The following CRYBG3 variants were observed in gnomAD, a reference collection of about 807,000 sequenced individuals.
CRYBG3 encodes the protein crystallin beta-gamma domain containing 3.
Under a neutral mutation model 244.2 loss-of-function variants are expected in CRYBG3, and 127 were observed. The ratio of observed to expected loss-of-function variants is 0.52; its 90% CI spans 0.45 to 0.60. CRYBG3 has a LOEUF of 0.60. Among genes scored for constraint, CRYBG3 ranks in the 20% least tolerant of loss-of-function variants. The pLI is 0.00. For missense variants in CRYBG3, 3,325 were observed against 3,442.5 expected (o/e 0.97, Z 0.85); for synonymous variants, 1,132 against 1,195.8 (o/e 0.95, Z 1.10).
intron 18 of CRYBG3, among the ~76,000 whole-genome samples, chr3:97,934,549 G>A (rs1034308408): frequency 5.9e-5 from 9 of 151,992 alleles, no homozygotes; most frequent in Admixed American, 5.9e-4. Flanking sequence ...TAAAAAAATG[G>A]CTTTAAAAGT....
At chr3:97,850,601 G>A (rs1274462678) in intron 2 of CRYBG3, among the ~76,000 whole-genome samples, 1 of 152,128 alleles carries the variant, frequency 6.6e-6, no homozygotes, top group Non-Finnish European at 1.5e-5. Flanking sequence ...CTGCATTAAG[G>A]TAAGGTAGTT....
chr3:97,929,557 T>G (rs926319150), intron 17 of CRYBG3, among the ~76,000 whole-genome samples: 1 of 151,838 alleles, frequency 6.6e-6, no homozygotes, highest in Non-Finnish European at 1.5e-5. Context: ...TAAATTAAAA[T>G]AAAGTAGAAA....
chr3:97,896,940 A>G (rs1229617725), intron 12 of CRYBG3, among the ~76,000 whole-genome samples: 1 of 152,174 alleles, frequency 6.6e-6, no homozygotes, highest in Non-Finnish European at 1.5e-5. Flanking sequence ...AGATGAATCT[A>G]AAGTGAGATA....
At chr3:97,924,714 T>C (rs917997452) in intron 17 of CRYBG3, among the ~76,000 whole-genome samples, 1 of 152,090 alleles carries the variant, frequency 6.6e-6, no homozygotes, top group Admixed American at 6.6e-5. Flanking sequence ...TTAACCCTCC[T>C]ACCTTCCTCT....
chr3:97,884,021 A>C (rs1251814369), intron 7 of CRYBG3, among the ~76,000 whole-genome samples: 3 of 152,192 alleles, frequency 2.0e-5, no homozygotes, highest in African/African-American at 7.2e-5. Flanking sequence ...TGTACAACAC[A>C]ATGCAGAGGA....
chr3:97,873,990 T>C lies in CRYBG3; in HGVS notation c.2796T>C (p.Pro932=). The C allele has an allele frequency of 1.3e-6, 2 of 1,534,570 alleles. No individual in the cohort carries two copies. Among genetic ancestry groups the C allele is most frequent in the South Asian group, 1.2e-5 (1 of 83,554 alleles). The part of the protein sequence containing the change: ...PEPEVDALGS[P]PALLKSNISW... ...CAGAGGTAGATGCCTTAGGCTCTCC[T>C]CCTGCTCTTCTTAAAAGTAATATAT... Residue 932 remains proline, a synonymous_variant, in exon 4 of 22, where the codon CCT becomes CCC. Transcript: ENST00000389622.
Position 97,864,208 on chromosome 3 carries a change from T to C in CRYBG3, c.217-9T>C. 1 of 1,473,906 alleles carries C rather than the reference T, an allele frequency of 6.8e-7. No homozygotes were observed. Among genetic ancestry groups the C allele is most frequent in the Non-Finnish European group, 8.9e-7 (1 of 1,122,292 alleles). The allele number at this position is 1,473,906 out of a possible 1,614,324, so 91.3% of individuals were successfully genotyped here. ...ATGATGCTTATGATTGTCTATTTTG[T>C]TTTCAAAGATTCGCCAAAGTGAGGA... On this transcript the variant is annotated splice_polypyrimidine_tract_variant and intron_variant, in intron 2 of 21. Transcript: ENST00000389622.
rs1376031712 is a variant in CRYBG3, at chr3:97,900,380, G to C, written c.7972-73G>C. The C allele has an allele frequency of 1.0e-5, 10 of 1,002,564 alleles. No homozygotes were observed. The East Asian group carries it at 1.5e-4, about 15-fold the overall frequency. 62.1% of individuals were successfully genotyped at this position (1,002,564 alleles called of 1,614,324 possible). A position where few individuals can be genotyped will look rare whatever the true frequency, so the allele number is the denominator to read the frequency against. On this transcript the variant is annotated intron_variant, in intron 14 of 21. Coordinates refer to ENST00000389622, the MANE Select transcript of CRYBG3 (RefSeq NM_153605.4). ...AAAAGAAAAAAAAATTTTTTTCAAAGGGTATTTTCAAAACTTTCAAAAAGA... is the reference window on the plus strand; with the variant it reads ...AAAAGAAAAAAAAATTTTTTTCAAACGGTATTTTCAAAACTTTCAAAAAGA...
intron 1 of CRYBG3, among the ~76,000 whole-genome samples, chr3:97,825,047 C>T (rs1291860744): frequency 2.0e-5 from 3 of 152,002 alleles, no homozygotes; most frequent in South Asian, 2.1e-4. Context: ...ACAGGTATTC[C>T]GGGAAAAGGC....
intron 14 of CRYBG3, 32 bp downstream of exon 14, chr3:97,899,295 A>G (rs1211537301): frequency 1.9e-6 from 3 of 1,595,082 alleles, no homozygotes; most frequent in Non-Finnish European, 2.6e-6. Flanking sequence ...CCAGTGCTGC[A>G]TCATGTAATA....
intron 2 of CRYBG3, among the ~76,000 whole-genome samples, chr3:97,850,962 T>C (rs1425604650): frequency 6.6e-6 from 1 of 151,902 alleles, no homozygotes; most frequent in Non-Finnish European, 1.5e-5. Context: ...TGAAACCCTG[T>C]CTCTATTAAA....
chr3:97,925,758 GT>G (rs1055429500), intron 17 of CRYBG3, among the ~76,000 whole-genome samples: 4 of 151,950 alleles, frequency 2.6e-5, no homozygotes, highest in Non-Finnish European at 5.9e-5. Flanking sequence ...ATTTTAAAAT[GT>G]GATACAAATA....
At chr3:97,897,944 G>C (rs2039657879) in intron 12 of CRYBG3, among the ~76,000 whole-genome samples, 1 of 152,048 alleles carries the variant, frequency 6.6e-6, no homozygotes, top group Non-Finnish European at 1.5e-5. Flanking sequence ...TTTTGGGCTG[G>C]GCACGGTGGT....
intron 4 of CRYBG3, among the ~76,000 whole-genome samples, chr3:97,879,034 C>A (rs974708313): frequency 6.6e-6 from 1 of 152,080 alleles, no homozygotes; most frequent in Admixed American, 6.6e-5. Context: ...ACTCAAAGAC[C>A]AACCAAAACC....
intron 12 of CRYBG3, among the ~76,000 whole-genome samples, chr3:97,897,153 G>A (rs955133333): frequency 3.3e-5 from 5 of 151,258 alleles, no homozygotes; most frequent in Non-Finnish European, 5.9e-5. Context: ...CAGACTTTAC[G>A]CCTCTTTTCA....
At chr3:97,861,951 G>A (rs75026061) in intron 2 of CRYBG3, among the ~76,000 whole-genome samples, 2,336 of 151,964 alleles carry the variant, frequency 0.015, 48 homozygotes, top group African/African-American at 0.053. Context: ...TTTTAATTAC[G>A]AATACGCATT....
At chr3:97,863,813 A>G (rs983364192) in intron 2 of CRYBG3, among the ~76,000 whole-genome samples, 1 of 152,110 alleles carries the variant, frequency 6.6e-6, no homozygotes, top group Non-Finnish European at 1.5e-5. Flanking sequence ...CTCCAGTCAT[A>G]TTAAACTCCC....
chr3:97,836,515 G>A (rs982510632), intron 1 of CRYBG3, among the ~76,000 whole-genome samples: 9 of 152,092 alleles, frequency 5.9e-5, no homozygotes, highest in Non-Finnish European at 4.4e-5. Context: ...TGGACCTGCC[G>A]GATGGGACTC....
chr3:97,879,633 C>A, intron 4 of CRYBG3, 71 bp from the exon 5 acceptor site: 2 of 1,091,940 alleles, frequency 1.8e-6, no homozygotes, highest in South Asian at 1.5e-5. Flanking sequence ...TACAAGACTG[C>A]TAAGAAAATG....
Sources: gnomAD v4.1 joint callset for allele counts (sites outside exome capture counted in the v4.1 genomes callset) on GRCh38, gnomAD v4.1.1 for gene constraint, MANE v1.5 for transcripts, NCBI Gene and HGNC (gene_info 2026-07-23, HGNC 2026-07-21) for gene names.